HEATR4: variants seen among roughly 807,000 people sequenced by gnomAD.
HEATR4 encodes the protein HEAT repeat-containing protein 4.
Under a neutral mutation model 108.8 loss-of-function variants are expected in HEATR4, and 95 were observed. That is an observed-to-expected ratio of 0.87 (90% CI 0.74 to 1.04). The LOEUF is 1.04. HEATR4 is among the 50% of genes least tolerant of loss of function. HEATR4 has a pLI of 0.00. For synonymous variants in HEATR4, 443 were observed against 459.4 expected (o/e 0.96, Z 0.46); for missense variants, 1,152 against 1,253.8 (o/e 0.92, Z 1.23).
chr14:73,595,600 C>T, the HEATR4 span: 27 of 1,564,682 alleles, frequency 1.7e-5, no homozygotes, highest in African/African-American at 3.3e-4. Flanking sequence ...AAATTCTAGC[C>T]TTCTTCTGCA....
chr14:73,587,301 G>A, the HEATR4 span, among the ~76,000 whole-genome samples: 1 of 152,080 alleles, frequency 6.6e-6, no homozygotes, highest in East Asian at 1.9e-4. Context: ...ATCAAAAATA[G>A]GATATATTTT....
chr14:73,567,077 G>T, the HEATR4 span, among the ~76,000 whole-genome samples: 1 of 152,052 alleles, frequency 6.6e-6, no homozygotes, highest in South Asian at 2.1e-4. Context: ...AAAGTTCTGG[G>T]ATTACAGGTG....
At chr14:73,595,387 G>T in the HEATR4 span, 1 of 1,614,254 alleles carries the variant, frequency 6.2e-7, no homozygotes, top group South Asian at 1.1e-5. Context: ...GAAGTGAGTT[G>T]TATGCCCAAA....
chr14:73,564,643 T>G, the HEATR4 span, among the ~76,000 whole-genome samples: 1 of 148,834 alleles, frequency 6.7e-6, no homozygotes, highest in Non-Finnish European at 1.5e-5. Context: ...ATACTATGCA[T>G]AAAACCTCAA....
the HEATR4 span, among the ~76,000 whole-genome samples, chr14:73,576,793 CA>C: frequency 0.21 from 2,473 of 11,942 alleles, 107 homozygotes; most frequent in Admixed American, 0.24. Context: ...GACACAGTCT[CA>C]AAAAAAAAAA....
rs1889413584 is a variant in HEATR4, at chr14:73,557,264, AGCTGGAAAAC to A, written c.-152+1477_-152+1486del. ...AACCTGATGAACTTCCTAGATCCCC[AGCTGGAAAAC>A]GTAGGAGTTGGACTAAATTCCTCTC... is the stretch of plus-strand genomic sequence containing the variant. On this transcript the variant is annotated intron_variant, in intron 1 of 17. Transcript: ENST00000553558. 1.7e-5 allele frequency among the ~76,000 whole-genome samples: 2 copies of A among 114,304 alleles called. 1 individual carries two copies. The highest frequency in any genetic ancestry group is 5.6e-4 in the South Asian group (2 of 3,554). The allele number at this position is 114,304 out of a possible 152,430, so 75.0% of individuals were successfully genotyped here. A position where few individuals can be genotyped will look rare whatever the true frequency, so the allele number is the denominator to read the frequency against.
At chr14:73,573,724 C>A in the HEATR4 span, 1 of 1,088,306 alleles carries the variant, frequency 9.2e-7, no homozygotes, top group South Asian at 1.4e-5. Context: ...TTAGTCACTT[C>A]TTATAGACAG....
In HEATR4 at chr14:73,542,913, C is replaced by T. The variant is rs1339565022; in HGVS notation, c.-151-12669G>A. 2.1e-5 allele frequency: 20 copies of T among 939,500 alleles called. 1 individual carries two copies. The highest frequency in any genetic ancestry group is 9.1e-5 in the African/African-American group (5 of 55,186). 58.2% of individuals were successfully genotyped at this position (939,500 alleles called of 1,614,324 possible). A position where few individuals can be genotyped will look rare whatever the true frequency, so the allele number is the denominator to read the frequency against. ...GAAGAGATAGAGGGGAGGTAAATTCCCAAAGCTGCAAATCTGGGTAAATGG... is the reference window on the plus strand; with the variant it reads ...GAAGAGATAGAGGGGAGGTAAATTCTCAAAGCTGCAAATCTGGGTAAATGG... On this transcript the variant is annotated intron_variant, in intron 1 of 17. Coordinates refer to ENST00000553558, the MANE Select transcript of HEATR4 (RefSeq NM_001220484.1).
the HEATR4 span, chr14:73,568,994 TAGCTGCCTGGTTCTTTAA>T: frequency 1.9e-6 from 1 of 534,100 alleles, no homozygotes; most frequent in Non-Finnish European, 3.3e-6. Context: ...TGGAGACTGC[TAGCTGCCTGGTTCTTTAA>T]GAACCAGCCC....
rs757370272 is a variant in HEATR4 at position 73,498,332 on chromosome 14, A to G, written c.2369T>C (p.Ile790Thr). The change falls in exon 14 of 18, where the codon ATT becomes ACT. Residue 790 changes from isoleucine to threonine, a missense_variant. Coordinates refer to ENST00000553558, the MANE Select transcript of HEATR4 (RefSeq NM_001220484.1). ...KAFAIRALGQ[I>T]GQVSPELTDL... is the part of the protein sequence containing the mutation. ...CGTCAGCTCGGGACTTACTTGCCCA[A>G]TCTGTCCCAAAGCTGCAGAGATTAG... The G allele has an allele frequency of 4.4e-6, 7 of 1,602,964 alleles. No homozygotes were observed. The Admixed American group carries it at 6.8e-5, about 16-fold the overall frequency.
At chr14:73,537,132 T>C in intron 1 of HEATR4, 1 of 315,862 alleles carries the variant, frequency 3.2e-6, no homozygotes, top group Non-Finnish European at 5.4e-6. Flanking sequence ...GAACCAGTCC[T>C]GGCCCAGCCC....
the HEATR4 span, among the ~76,000 whole-genome samples, chr14:73,590,227 T>C: frequency 1.4e-3 from 212 of 152,258 alleles, 1 homozygote; most frequent in African/African-American, 4.6e-3. Context: ...GATTGGTTCG[T>C]TTACAATCCC....
chr14:73,536,663 C>G (rs1888873611), intron 1 of HEATR4, among the ~76,000 whole-genome samples: 1 of 113,290 alleles, frequency 8.8e-6, no homozygotes, highest in African/African-American at 2.9e-5. Flanking sequence ...GAGGCCGAGG[C>G]GGGCGGATCA....
intron 1 of HEATR4, among the ~76,000 whole-genome samples, chr14:73,548,504 A>G (rs1256271679): frequency 8.7e-6 from 1 of 115,468 alleles, no homozygotes; most frequent in African/African-American, 2.8e-5. Flanking sequence ...ATCCAGATCC[A>G]GTCCCTGAAG....
At chr14:73,593,919 C>T in the HEATR4 span, 11 of 1,596,076 alleles carry the variant, frequency 6.9e-6, no homozygotes, top group Non-Finnish European at 9.4e-6. Flanking sequence ...TCCTCATGTC[C>T]TTTATTTAAT....
At chr14:73,620,517 C>G in the HEATR4 span, among the ~76,000 whole-genome samples, 1 of 152,120 alleles carries the variant, frequency 6.6e-6, no homozygotes, top group Non-Finnish European at 1.5e-5. Flanking sequence ...CTGACCACGT[C>G]TGAGTCTTGG....
Position 73,508,262 on chromosome 14 carries a change from A to G in HEATR4, c.1753T>C (p.Cys585Arg), listed in dbSNP as rs540004451. 2 of 1,613,974 alleles carry G rather than the reference A, an allele frequency of 1.2e-6. No homozygotes were observed. The highest frequency in any genetic ancestry group is 1.7e-5 in the Admixed American group (1 of 60,004). ...GTAGCAGTACCTTCCAGAGCCAAGCACTGAGCTGCAGCCCAGCTATCCACA... is the reference window on the plus strand; with the variant it reads ...GTAGCAGTACCTTCCAGAGCCAAGCGCTGAGCTGCAGCCCAGCTATCCACA... ...NSVDSWAAAQ[C>R]LALEGTATYP... Residue 585 changes from cysteine (C) to arginine (R), a missense_variant, in exon 9 of 18, where the codon TGC becomes CGC. By Grantham distance (180) the Cys-to-Arg change is radical (BLOSUM62 -3). Coordinates refer to ENST00000553558, the MANE Select transcript of HEATR4 (RefSeq NM_001220484.1).
chr14:73,553,454 T>G lies in HEATR4; in HGVS notation c.-152+5297A>C, dbSNP rs1220334045. Among the ~76,000 whole-genome samples, 2 of 112,170 alleles carry G rather than the reference T, an allele frequency of 1.8e-5. 1 individual carries two copies. Among genetic ancestry groups the G allele is most frequent in the Admixed American group, 2.0e-4 (2 of 9,858 alleles). The allele number at this position is 112,170 out of a possible 152,430, so 73.6% of individuals were successfully genotyped here. A position where few individuals can be genotyped will look rare whatever the true frequency, so the allele number is the denominator to read the frequency against. On this transcript the variant is annotated intron_variant, in intron 1 of 17. Transcript: ENST00000553558. ...TGGAACCCAGAAGGTAGAGGTCCAG[T>G]GAGCCGGGATCGCGCCACTGCACTC...
chr14:73,494,063 A>G (rs1040567716), intron 16 of HEATR4, among the ~76,000 whole-genome samples: 4 of 152,206 alleles, frequency 2.6e-5, no homozygotes, highest in South Asian at 2.1e-4. Context: ...TTGTGCCTTC[A>G]TAGACCTTAG....
Sources: allele counts gnomAD v4.1 joint callset (sites outside exome capture counted in the v4.1 genomes callset), GRCh38; gene constraint gnomAD v4.1.1; transcripts MANE v1.5; gene names NCBI Gene and HGNC (gene_info 2026-07-23, HGNC 2026-07-21).